CNTN5: variants seen among roughly 807,000 people sequenced by gnomAD.
The protein encoded by CNTN5 is contactin 5.
CNTN5 carries 77 observed loss-of-function variants against 129.1 expected under a neutral mutation model. That is an observed-to-expected ratio of 0.60 (90% CI 0.50 to 0.72). CNTN5 has a LOEUF of 0.72. Ranked by LOEUF, CNTN5 falls within the 30% of genes least tolerant of loss-of-function variation. The pLI is 0.00. For synonymous variants in CNTN5, 509 were observed against 465.6 expected, an observed-to-expected ratio of 1.09 and a Z score of -1.20; for missense variants, 1,478 against 1,328.8, an observed-to-expected ratio of 1.11 and a Z score of -1.75.
At position 99,240,336 on chromosome 11, in the gene CNTN5, G is replaced by T. The variant is rs75854689; in HGVS notation, c.-209-85010G>T. 7.2e-4 allele frequency among the ~76,000 whole-genome samples: 110 copies of T among 152,202 alleles called. 2 individuals are homozygous for T. In the East Asian group the frequency reaches 0.019, roughly 26 times the overall value. On this transcript the variant is annotated intron_variant, in intron 1 of 24. Coordinates refer to ENST00000524871, the MANE Select transcript of CNTN5 (RefSeq NM_014361.4). ...TGAACAGTAGGAAAAAGTAGAGAAC[G>T]GGCATTATCTGTTCATGCAGGATAC...
intron 6 of CNTN5, among the ~76,000 whole-genome samples, chr11:99,911,213 G>T (rs1476873066): frequency 6.6e-6 from 1 of 151,948 alleles, no homozygotes; most frequent in South Asian, 2.1e-4. Flanking sequence ...TTTAAAATTT[G>T]CATTAAATCG....
chr11:100,032,613 GTATGACTTTGT>G (rs1026227591), intron 9 of CNTN5, among the ~76,000 whole-genome samples: 62 of 151,938 alleles, frequency 4.1e-4, no homozygotes, highest in Non-Finnish European at 7.5e-4. Context: ...CATAATTCTT[GTATGACTTTGT>G]TATGACTTTG....
chr11:99,072,869 T>G (rs1053086471), intron 1 of CNTN5, among the ~76,000 whole-genome samples: 1 of 152,142 alleles, frequency 6.6e-6, no homozygotes, highest in South Asian at 2.1e-4. Flanking sequence ...CCTTTGCACT[T>G]TATTCCAGCC....
intron 13 of CNTN5, among the ~76,000 whole-genome samples, chr11:100,105,966 T>TAAC (rs1945416844): frequency 6.6e-6 from 1 of 152,180 alleles, no homozygotes; most frequent in African/African-American, 2.4e-5. Context: ...TTAATTATAC[T>TAAC]AACAAAGTAT....
chr11:99,351,963 C>T (rs536154885), intron 2 of CNTN5, among the ~76,000 whole-genome samples: 6 of 152,304 alleles, frequency 3.9e-5, no homozygotes, highest in South Asian at 2.1e-4. Context: ...GCCAAATCAA[C>T]TTTGCTCCTG....
intron 1 of CNTN5, among the ~76,000 whole-genome samples, chr11:99,233,093 G>A (rs7940301): frequency 3.4e-4 from 52 of 151,956 alleles, no homozygotes; most frequent in Non-Finnish European, 6.9e-4. Flanking sequence ...TACCTGTAGC[G>A]GGCCTTCAAG....
At chr11:99,955,525 A>C (rs1950778718) in intron 7 of CNTN5, among the ~76,000 whole-genome samples, 1 of 152,168 alleles carries the variant, frequency 6.6e-6, no homozygotes, top group African/African-American at 2.4e-5. Context: ...ATGCAATACA[A>C]CATTTCAAAA....
intron 1 of CNTN5, among the ~76,000 whole-genome samples, chr11:99,229,196 T>G (rs972597983): frequency 2.6e-4 from 40 of 152,004 alleles, no homozygotes; most frequent in African/African-American, 9.4e-4. Context: ...TCATAAAAAT[T>G]TTTCATAATT....
At chr11:99,903,011 T>C (rs528732584) in intron 6 of CNTN5, among the ~76,000 whole-genome samples, 2 of 152,260 alleles carry the variant, frequency 1.3e-5, no homozygotes, top group South Asian at 4.1e-4. Context: ...TTAAACATGG[T>C]ATAAATTATT....
intron 1 of CNTN5, among the ~76,000 whole-genome samples, chr11:99,168,563 G>A (rs1324116024): frequency 1.0e-5 from 1 of 99,278 alleles, no homozygotes; most frequent in Admixed American, 1.1e-4. Context: ...CTGGGTGACA[G>A]ACTGAGACTC....
At chr11:99,818,273 T>TC (rs1048970780) in intron 3 of CNTN5, among the ~76,000 whole-genome samples, 85 of 152,122 alleles carry the variant, frequency 5.6e-4, no homozygotes, top group Non-Finnish European at 9.0e-4. Flanking sequence ...TTTTTTTTTT[T>TC]TGAGACAGGG....
chr11:99,077,782 C>T (rs963684169), intron 1 of CNTN5, among the ~76,000 whole-genome samples: 4 of 152,102 alleles, frequency 2.6e-5, no homozygotes, highest in Non-Finnish European at 4.4e-5. Context: ...GGCACTTCCC[C>T]GTTTGCTAGG....
chr11:99,634,638 T>C (rs1234421192), intron 3 of CNTN5, among the ~76,000 whole-genome samples: 1 of 152,218 alleles, frequency 6.6e-6, no homozygotes, highest in Non-Finnish European at 1.5e-5. Flanking sequence ...GTCTAATCTA[T>C]ACACTACTCC....
At chr11:99,794,734 A>C (rs955592635) in intron 3 of CNTN5, among the ~76,000 whole-genome samples, 1 of 152,190 alleles carries the variant, frequency 6.6e-6, no homozygotes, top group Non-Finnish European at 1.5e-5. Flanking sequence ...TTCTTTAACC[A>C]TGCTGAATAT....
intron 1 of CNTN5, among the ~76,000 whole-genome samples, chr11:99,171,077 T>C (rs1861127585): frequency 6.6e-6 from 1 of 152,168 alleles, no homozygotes; most frequent in Admixed American, 6.5e-5. Flanking sequence ...TTTTTTTTCT[T>C]ACCTAACTTG....
intron 17 of CNTN5, among the ~76,000 whole-genome samples, chr11:100,270,261 A>G (rs115698216): frequency 0.028 from 4,223 of 152,238 alleles, 210 homozygotes; most frequent in African/African-American, 0.097. Flanking sequence ...ATTTCATTCC[A>G]CCTTGCTGTG....
At chr11:100,136,133 A>G (rs765414383) in intron 13 of CNTN5, among the ~76,000 whole-genome samples, 7 of 152,142 alleles carry the variant, frequency 4.6e-5, no homozygotes, top group South Asian at 2.1e-4. Flanking sequence ...CCATAGCTCA[A>G]TGAAGATCAG....
chr11:99,554,093 G>GA (rs1406001836), intron 2 of CNTN5, among the ~76,000 whole-genome samples: 1 of 151,642 alleles, frequency 6.6e-6, no homozygotes, highest in Non-Finnish European at 1.5e-5. Context: ...TTGAGAGTAG[G>GA]AAAAATGTGC....
At chr11:99,183,114 C>A (rs1274632509) in intron 1 of CNTN5, among the ~76,000 whole-genome samples, 1 of 152,040 alleles carries the variant, frequency 6.6e-6, no homozygotes. Context: ...ATTTTGGTTA[C>A]TATATTCAAA....
Sources: gnomAD v4.1 joint callset for allele counts (sites outside exome capture counted in the v4.1 genomes callset) on GRCh38, gnomAD v4.1.1 for gene constraint, MANE v1.5 for transcripts, NCBI Gene and HGNC (gene_info 2026-07-23, HGNC 2026-07-21) for gene names.